Variants in ACBD3 observed in about 807,000 individuals in gnomAD.
The protein encoded by ACBD3 is acyl-CoA binding domain containing 3.
Under a neutral mutation model 66.9 loss-of-function variants are expected in ACBD3, and 30 were observed. The observed-to-expected ratio is 0.45, with a 90% CI of 0.34 to 0.61. ACBD3 has a LOEUF of 0.61. Ranked by LOEUF, ACBD3 falls within the 20% of genes least tolerant of loss-of-function variation. ACBD3 has a pLI of 0.02. For missense variants in ACBD3, 544 were observed against 664.5 expected (o/e 0.82, Z 1.99); for synonymous variants, 278 against 259.8 (o/e 1.07, Z -0.68).
At chr1:226,174,890 C>G (rs943634692) in intron 1 of ACBD3, among the ~76,000 whole-genome samples, 2 of 151,756 alleles carry the variant, frequency 1.3e-5, no homozygotes, top group African/African-American at 4.8e-5. Flanking sequence ...CACCTGAGGT[C>G]AGGACCAGCC....
At chr1:226,156,053 T>C (rs1659664752) in intron 5 of ACBD3, among the ~76,000 whole-genome samples, 1 of 152,336 alleles carries the variant, frequency 6.6e-6, no homozygotes, top group African/African-American at 2.4e-5. Context: ...ACAACATACA[T>C]GTAGAAAGTG....
chr1:226,164,842 A>G lies in ACBD3; in HGVS notation c.516T>C (p.Phe172=), dbSNP rs1485124701. 6.2e-7 allele frequency: 1 copy of G among 1,611,838 alleles called. No individual in the cohort carries two copies. Reference sequence around the variant, plus strand: ...TTTTGTGGGACGCAACATATGTTGAAAAGAGATGGCAACACCTATTTAAGA... The same window carrying G: ...TTTTGTGGGACGCAACATATGTTGAGAAGAGATGGCAACACCTATTTAAGA... The part of the protein sequence containing the change: ...VKLLNRCCHL[F]STYVASHKIE... Residue 172 remains phenylalanine (F), a synonymous_variant, in exon 3 of 8, where the codon TTT becomes TTC. Transcript: ENST00000366812.
At chr1:226,162,221 G>C (rs1027156989) in intron 3 of ACBD3, among the ~76,000 whole-genome samples, 2 of 150,094 alleles carry the variant, frequency 1.3e-5, no homozygotes, top group East Asian at 3.9e-4. Flanking sequence ...CCAAAGGATA[G>C]AAATACATTG....
chr1:226,151,838 T>A (rs1659578173), intron 7 of ACBD3, among the ~76,000 whole-genome samples: 1 of 152,010 alleles, frequency 6.6e-6, no homozygotes, highest in South Asian at 2.1e-4. Flanking sequence ...AAACCTCGTC[T>A]CTACTAAAAA....
chr1:226,160,227 G>A (rs369074894), intron 4 of ACBD3, among the ~76,000 whole-genome samples: 1 of 151,960 alleles, frequency 6.6e-6, no homozygotes, highest in East Asian at 1.9e-4. Flanking sequence ...AAGTAGCTGG[G>A]ATTACAGGCA....
intron 1 of ACBD3, among the ~76,000 whole-genome samples, chr1:226,167,006 G>A (rs560280578): frequency 2.0e-5 from 3 of 151,712 alleles, no homozygotes; most frequent in South Asian, 4.2e-4. Context: ...ATGTTGCCCA[G>A]ACTGGTCTTG....
intron 5 of ACBD3, among the ~76,000 whole-genome samples, chr1:226,157,037 G>GTA (rs760650259): frequency 2.1e-4 from 32 of 151,970 alleles, no homozygotes; most frequent in Non-Finnish European, 4.3e-4. Flanking sequence ...GCACAGAAAG[G>GTA]TATAAAAGCA....
In ACBD3 at chr1:226,154,732, A is replaced by G; in HGVS notation, c.1005T>C (p.Asn335=). ...ATVPSNMMSV[N]GQAKTHTDSS... ...TGTCAGTGTGTGTTTTGGCCTGTCC[A>G]TTAACTGACATCATATTACTTGGTA... The change falls in exon 6 of 8, where the codon AAT becomes AAC. Residue 335 remains asparagine (N), a synonymous_variant. Transcript: ENST00000366812. The G allele has an allele frequency of 1.9e-6, 3 of 1,613,938 alleles. No homozygotes were observed. Among genetic ancestry groups the G allele is most frequent in the Non-Finnish European group, 2.5e-6 (3 of 1,179,918 alleles).
intron 3 of ACBD3, 27 bp from the exon 4 acceptor site, chr1:226,161,716 C>A: frequency 1.3e-6 from 2 of 1,538,704 alleles, no homozygotes; most frequent in Non-Finnish European, 1.7e-6. Context: ...GAGAATGAAC[C>A]CTATACGTTG....
intron 1 of ACBD3, among the ~76,000 whole-genome samples, chr1:226,171,554 T>C (rs1476435243): frequency 6.6e-6 from 1 of 151,530 alleles, no homozygotes; most frequent in South Asian, 2.1e-4. Flanking sequence ...ATTTATTATT[T>C]TGAGATGAAG....
chr1:226,186,349 G>A (rs1656306495), intron 1 of ACBD3, 41 bp downstream of exon 1: 1 of 1,474,296 alleles, frequency 6.8e-7, no homozygotes, highest in Non-Finnish European at 9.0e-7. Flanking sequence ...GGGCTCCCGG[G>A]GCCGGGCAGA....
At chr1:226,150,270 A>G (rs1260284341) in intron 7 of ACBD3, among the ~76,000 whole-genome samples, 1 of 151,952 alleles carries the variant, frequency 6.6e-6, no homozygotes, top group African/African-American at 2.4e-5. Flanking sequence ...CACTCTACAA[A>G]ACGGGTTGCC....
intron 5 of ACBD3, among the ~76,000 whole-genome samples, chr1:226,157,308 T>G (rs1221865602): frequency 1.3e-5 from 2 of 151,900 alleles, no homozygotes; most frequent in African/African-American, 4.8e-5. Context: ...GGCACAATCT[T>G]GGCTCACCGA....
At chr1:226,177,483 AC>A (rs1558131345) in intron 1 of ACBD3, among the ~76,000 whole-genome samples, 1 of 151,630 alleles carries the variant, frequency 6.6e-6, no homozygotes, top group East Asian at 1.9e-4. Context: ...GGTATGAGCC[AC>A]CGTGCCCAGC....
At chr1:226,153,115 G>A (rs1232892559) in intron 6 of ACBD3, among the ~76,000 whole-genome samples, 2 of 152,122 alleles carry the variant, frequency 1.3e-5, no homozygotes, top group Non-Finnish European at 1.5e-5. Flanking sequence ...ACAAAAACTC[G>A]GACAGGATTA....
chr1:226,174,178 A>G (rs1048533145), intron 1 of ACBD3, among the ~76,000 whole-genome samples: 1 of 152,194 alleles, frequency 6.6e-6, no homozygotes, highest in Non-Finnish European at 1.5e-5. Flanking sequence ...AAACTCAAAA[A>G]TCTTTAACCA....
At position 226,152,483 on chromosome 1, in the gene ACBD3, G is replaced by C. The variant is rs1444341556; in HGVS notation, c.1227C>G (p.Thr409=). The C allele has an allele frequency of 1.2e-6, 2 of 1,613,978 alleles. No homozygotes were observed. The highest frequency in any genetic ancestry group is 2.7e-5 in the African/African-American group (2 of 74,868). Residue 409 remains threonine, a synonymous_variant, in exon 7 of 8, where the codon ACC becomes ACG. Coordinates refer to ENST00000366812, the MANE Select transcript of ACBD3 (RefSeq NM_022735.4). The part of the protein sequence containing the change: ...RGEVVTVRVP[T]HEEGSYLFWE... ...AAAAGAGATATGATCCTTCTTCATG[G>C]GTGGGTACTCGAACAGTGACCACTT... is the stretch of plus-strand genomic sequence containing the variant.
At chr1:226,171,174 C>T (rs1659986837) in intron 1 of ACBD3, among the ~76,000 whole-genome samples, 2 of 145,896 alleles carry the variant, frequency 1.4e-5, no homozygotes, top group South Asian at 2.2e-4. Context: ...CTGAGACAGA[C>T]TCTCGCTCTG....
chr1:226,147,386 G>C (rs1162057442), intron 7 of ACBD3, among the ~76,000 whole-genome samples: 1 of 152,152 alleles, frequency 6.6e-6, no homozygotes, highest in Non-Finnish European at 1.5e-5. Context: ...GGTAGCAGTG[G>C]TCAGCATCCT....
Sources: allele counts gnomAD v4.1 joint callset (sites outside exome capture counted in the v4.1 genomes callset), GRCh38; gene constraint gnomAD v4.1.1; transcripts MANE v1.5; gene names NCBI Gene and HGNC (gene_info 2026-07-23, HGNC 2026-07-21).